Variants in DOK6 observed in about 807,000 individuals in gnomAD.
DOK6 encodes docking protein 6, also known as downstream of tyrosine kinase 6.
Under a neutral mutation model 44.0 loss-of-function variants are expected in DOK6, and 22 were observed. The observed-to-expected ratio is 0.50, with a 90% CI of 0.36 to 0.71. DOK6 has a LOEUF of 0.71. Ranked by LOEUF, DOK6 falls within the 30% of genes least tolerant of loss-of-function variation. The pLI, the probability that DOK6 is intolerant of heterozygous loss-of-function variation, is 0.00. For synonymous variants in DOK6, 166 were observed against 145.5 expected (o/e 1.14, Z -1.01); for missense variants, 340 against 416.4 (o/e 0.82, Z 1.60).
chr18:69,468,297 T>C (rs1294443622), intron 1 of DOK6, among the ~76,000 whole-genome samples: 1 of 152,220 alleles, frequency 6.6e-6, no homozygotes, highest in African/African-American at 2.4e-5. Context: ...GCCATTAAAT[T>C]CTGCCACACT....
rs763865291 is a variant in DOK6, at chr18:69,653,999, G to GA, written c.290-23734dup. 5.3e-5 allele frequency among the ~76,000 whole-genome samples: 8 copies of GA among 152,244 alleles called. 1 individual carries two copies. Among genetic ancestry groups the GA allele is most frequent in the Admixed American group, 6.5e-5 (1 of 15,294 alleles). On this transcript the variant is annotated intron_variant, in intron 3 of 7. Coordinates refer to ENST00000382713, the MANE Select transcript of DOK6 (RefSeq NM_152721.6). ...AACATGCTCAAAATATGAATGACAA[G>GA]ATGGAAAACTTCAGAGAATTGAGAC...
intron 1 of DOK6, among the ~76,000 whole-genome samples, chr18:69,563,925 A>G: frequency 6.6e-6 from 1 of 152,320 alleles, no homozygotes; most frequent in African/African-American, 2.4e-5. Context: ...ATATGTATAT[A>G]AATTTTAATT....
At chr18:69,488,950 G>T (rs1006820366) in intron 1 of DOK6, among the ~76,000 whole-genome samples, 6 of 152,188 alleles carry the variant, frequency 3.9e-5, no homozygotes, top group African/African-American at 1.4e-4. Context: ...AGAGAAATAG[G>T]CTCAGGTTTC....
intron 5 of DOK6, among the ~76,000 whole-genome samples, chr18:69,733,923 GTTT>G (rs932772061): frequency 6.6e-6 from 1 of 151,924 alleles, no homozygotes; most frequent in African/African-American, 2.4e-5. Flanking sequence ...CAATCTTTTT[GTTT>G]TTGTCTTATG....
At chr18:69,787,758 G>T (rs1054903315) in intron 7 of DOK6, among the ~76,000 whole-genome samples, 8 of 152,094 alleles carry the variant, frequency 5.3e-5, no homozygotes, top group Admixed American at 5.2e-4. Context: ...GATACATGAA[G>T]GGAAGGAATA....
At chr18:69,524,271 T>G (rs920949203) in intron 1 of DOK6, among the ~76,000 whole-genome samples, 3 of 152,070 alleles carry the variant, frequency 2.0e-5, no homozygotes, top group Non-Finnish European at 4.4e-5. Context: ...CTGAACATTC[T>G]ATTCAATTAC....
chr18:69,732,605 T>A (rs1225824127), intron 5 of DOK6, among the ~76,000 whole-genome samples: 1 of 151,998 alleles, frequency 6.6e-6, no homozygotes, highest in Non-Finnish European at 1.5e-5. Context: ...AAAGAAAAAA[T>A]AAACAGAATA....
In DOK6 at chr18:69,594,780, G is replaced by C. The variant is rs566992476; in HGVS notation, c.175-4604G>C. Reference sequence around the variant, plus strand: ...GAGGCAGGAGGATCACTTGACATCAGAAGTTCAAGAACAGCCTGGGTAATA... The same window carrying C: ...GAGGCAGGAGGATCACTTGACATCACAAGTTCAAGAACAGCCTGGGTAATA... On this transcript the variant is annotated intron_variant, in intron 2 of 7. Transcript: ENST00000382713. Among the ~76,000 whole-genome samples, 3 of 151,684 alleles carry C rather than the reference G, an allele frequency of 2.0e-5. No homozygotes were observed. The South Asian group carries it at 6.3e-4, about 32-fold the overall frequency.
intron 7 of DOK6, among the ~76,000 whole-genome samples, chr18:69,791,899 T>A (rs1599328043): frequency 6.6e-6 from 1 of 152,158 alleles, no homozygotes; most frequent in Non-Finnish European, 1.5e-5. Context: ...TAGATTTAAG[T>A]CTTTAATCCA....
At chr18:69,507,960 A>G (rs539009774) in intron 1 of DOK6, among the ~76,000 whole-genome samples, 2 of 152,132 alleles carry the variant, frequency 1.3e-5, no homozygotes, top group Non-Finnish European at 2.9e-5. Context: ...TTAGGGGAAA[A>G]GTGTTCAGTC....
intron 7 of DOK6, among the ~76,000 whole-genome samples, chr18:69,768,128 A>C (rs773072252): frequency 6.6e-6 from 1 of 152,208 alleles, no homozygotes; most frequent in Non-Finnish European, 1.5e-5. Flanking sequence ...TTTGTGGGGA[A>C]TATATATTAA....
Position 69,774,052 on chromosome 18 carries a change from T to G in DOK6, c.856+16179T>G, listed in dbSNP as rs1411046228. ...ATGAGTGGATAAAGAATTTGTGAGATATATATATATAGATATATATATATG... is the reference window on the plus strand; with the variant it reads ...ATGAGTGGATAAAGAATTTGTGAGAGATATATATATAGATATATATATATG... On this transcript the variant is annotated intron_variant, in intron 7 of 7. Coordinates refer to ENST00000382713, the MANE Select transcript of DOK6 (RefSeq NM_152721.6). 4.2e-5 allele frequency among the ~76,000 whole-genome samples: 6 copies of G among 142,498 alleles called. No homozygotes were observed. The East Asian group carries it at 6.1e-4, about 14-fold the overall frequency. The allele number at this position is 142,498 out of a possible 152,430, so 93.5% of individuals were successfully genotyped here. A position where few individuals can be genotyped will look rare whatever the true frequency, so the allele number is the denominator to read the frequency against.
intron 1 of DOK6, among the ~76,000 whole-genome samples, chr18:69,545,157 GC>G (rs1454344772): frequency 3.3e-5 from 5 of 150,744 alleles, no homozygotes; most frequent in African/African-American, 1.2e-4. Context: ...AGAAAACATG[GC>G]TTTTTCCTAG....
At chr18:69,683,132 TG>T (rs1468574767) in intron 4 of DOK6, among the ~76,000 whole-genome samples, 2 of 151,604 alleles carry the variant, frequency 1.3e-5, no homozygotes, top group African/African-American at 4.8e-5. Context: ...ATTTTATCTA[TG>T]GGATGACCCT....
chr18:69,529,595 A>T (rs1981928671), intron 1 of DOK6, among the ~76,000 whole-genome samples: 1 of 152,262 alleles, frequency 6.6e-6, no homozygotes, highest in Admixed American at 6.5e-5. Context: ...CCATAACATA[A>T]TAAATATACT....
At chr18:69,509,625 T>G (rs759592381) in intron 1 of DOK6, among the ~76,000 whole-genome samples, 19 of 114,178 alleles carry the variant, frequency 1.7e-4, no homozygotes, top group Admixed American at 5.4e-4. Context: ...GCAACAGAGC[T>G]AGGCTCTGTC....
rs116071856 is a variant in DOK6 at position 69,702,865 on chromosome 18, G to A, written c.599+4272G>A. Among the ~76,000 whole-genome samples, 830 of 152,224 alleles carry A rather than the reference G, an allele frequency of 5.5e-3. 8 individuals carry two copies. The highest frequency in any genetic ancestry group is 0.019 in the African/African-American group (810 of 41,550). ...AATGAGAATAAAAGAAGCCTAAAAG[G>A]CGACCAAAACTGTCATTGTGATTAC... On this transcript the variant is annotated intron_variant, in intron 5 of 7. Coordinates refer to ENST00000382713, the MANE Select transcript of DOK6 (RefSeq NM_152721.6).
chr18:69,477,268 A>G (rs1481440998), intron 1 of DOK6, among the ~76,000 whole-genome samples: 1 of 152,208 alleles, frequency 6.6e-6, no homozygotes, highest in Non-Finnish European at 1.5e-5. Context: ...GATCCGTTCT[A>G]AGCCCAAAGC....
chr18:69,767,172 C>T (rs1979743447), intron 7 of DOK6, among the ~76,000 whole-genome samples: 1 of 152,052 alleles, frequency 6.6e-6, no homozygotes, highest in Non-Finnish European at 1.5e-5. Context: ...GCGGAGGTTG[C>T]AGTGAGCCAA....
Sources: allele counts gnomAD v4.1 joint callset (sites outside exome capture counted in the v4.1 genomes callset), GRCh38; gene constraint gnomAD v4.1.1; transcripts MANE v1.5; gene names NCBI Gene and HGNC (gene_info 2026-07-23, HGNC 2026-07-21).